Variants in ATP9B observed in about 807,000 individuals in gnomAD.
ATP9B encodes probable phospholipid-transporting ATPase IIB.
In ATP9B, 110 loss-of-function variants were observed where a neutral mutation model predicts 146.1. The ratio of observed to expected loss-of-function variants is 0.75; its 90% CI spans 0.65 to 0.88. ATP9B has a LOEUF of 0.88. ATP9B is among the 40% of genes least tolerant of loss of function. ATP9B has a pLI of 0.00. For missense variants in ATP9B, 1,499 were observed against 1,496.4 expected, an observed-to-expected ratio of 1.00 and a Z score of -0.03; for synonymous variants, 604 against 569.7, an observed-to-expected ratio of 1.06 and a Z score of -0.86.
chr18:79,293,101 A>G (rs909027055), intron 13 of ATP9B, among the ~76,000 whole-genome samples: 2 of 151,216 alleles, frequency 1.3e-5, no homozygotes, highest in Non-Finnish European at 2.9e-5. Context: ...CTATGGAGAA[A>G]GAACAGTGTT....
chr18:79,230,405 C>A (rs2095780010), intron 11 of ATP9B, among the ~76,000 whole-genome samples: 1 of 152,046 alleles, frequency 6.6e-6, no homozygotes, highest in Non-Finnish European at 1.5e-5. Context: ...AATCAGTAGC[C>A]CTGCTGTATA....
At chr18:79,130,398 C>T (rs2094357238) in intron 5 of ATP9B, among the ~76,000 whole-genome samples, 1 of 148,178 alleles carries the variant, frequency 6.7e-6, no homozygotes, top group African/African-American at 2.6e-5. Context: ...TTGTATTTAT[C>T]CAGTTTGAGG....
rs183733362 is a variant in ATP9B at position 79,343,206 on chromosome 18, A to C, written c.2382+840A>C. Among the ~76,000 whole-genome samples, 381 of 152,328 alleles carry C rather than the reference A, an allele frequency of 2.5e-3. 1 individual carries two copies. Among genetic ancestry groups the C allele is most frequent in the African/African-American group, 8.7e-3 (361 of 41,576 alleles). On this transcript the variant is annotated intron_variant, in intron 20 of 29. Coordinates refer to ENST00000426216, the MANE Select transcript of ATP9B (RefSeq NM_198531.5). Reference sequence around the variant, plus strand: ...GACTACTATTTGCAATTAAATTATTAATGCTTCTGATAAAACTTCAGATCA... The same window carrying C: ...GACTACTATTTGCAATTAAATTATTCATGCTTCTGATAAAACTTCAGATCA...
At chr18:79,115,325 C>T (rs1160359531) in intron 4 of ATP9B, 5 of 124,860 alleles carry the variant, frequency 4.0e-5, no homozygotes, top group African/African-American at 1.4e-4. Flanking sequence ...GAATCAATAT[C>T]GTGAAAATGG....
At position 79,377,544 on chromosome 18, in the gene ATP9B, C is replaced by A; in HGVS notation, c.*161C>A. The A allele has an allele frequency of 1.1e-6, 1 of 939,998 alleles. No individual in the cohort carries two copies. The highest frequency in any genetic ancestry group is 1.6e-6 in the Non-Finnish European group (1 of 640,050). The allele number at this position is 939,998 out of a possible 1,614,324, so 58.2% of individuals were successfully genotyped here. A position where few individuals can be genotyped will look rare whatever the true frequency, so the allele number is the denominator to read the frequency against. ...CCCAGGGCACAGATGCTGAGACAGC[C>A]TCTCCTTCTCAGTGCAGGGACGTCA... On this transcript the variant is annotated 3_prime_UTR_variant, in exon 30 of 30. Transcript: ENST00000426216.
At chr18:79,243,504 C>A (rs1170373204) in intron 11 of ATP9B, among the ~76,000 whole-genome samples, 1 of 152,176 alleles carries the variant, frequency 6.6e-6, no homozygotes, top group African/African-American at 2.4e-5. Flanking sequence ...TAAATCCCCA[C>A]ATATTTACAC....
At chr18:79,359,062 C>G (rs1055191003) in intron 25 of ATP9B, among the ~76,000 whole-genome samples, 1 of 152,022 alleles carries the variant, frequency 6.6e-6, no homozygotes, top group African/African-American at 2.4e-5. Context: ...GATCTCGGTG[C>G]TATTCCTGAC....
In ATP9B at chr18:79,344,275, G is replaced by C; in HGVS notation, c.2393G>C (p.Arg798Pro). The C allele has an allele frequency of 1.2e-6, 2 of 1,614,128 alleles. No individual in the cohort carries two copies. Among genetic ancestry groups the C allele is most frequent in the South Asian group, 1.1e-5 (1 of 91,074 alleles). The change falls in exon 21 of 30, where the codon CGG (arginine) becomes CCG (proline). Residue 798 changes from arginine (R) to proline (P), a missense_variant. Physicochemically the swap from Arg to Pro is moderately radical, Grantham distance 103. Transcript: ENST00000426216. ...TCTCCCTTAATGGAGGTAACCAGTC[G>C]GGGAGAGGCACATTTGGAGCTGAAT... ...DIHIFRQVTS[R>P]GEAHLELNAF...
At chr18:79,330,682 G>A (rs539331568) in intron 17 of ATP9B, among the ~76,000 whole-genome samples, 20 of 152,230 alleles carry the variant, frequency 1.3e-4, no homozygotes, top group Admixed American at 3.3e-4. Flanking sequence ...CAAAGTGCTG[G>A]CATTATATGC....
chr18:79,086,032 T>C (rs967474466), intron 1 of ATP9B: 1 of 152,214 alleles, frequency 6.6e-6, no homozygotes, highest in Non-Finnish European at 1.5e-5. Flanking sequence ...AAAGCCTTTT[T>C]TTTTTTTAAG....
chr18:79,084,106 C>G (rs1389643195), intron 1 of ATP9B, among the ~76,000 whole-genome samples: 1 of 151,760 alleles, frequency 6.6e-6, no homozygotes, highest in Non-Finnish European at 1.5e-5. Flanking sequence ...ATCCACCCGC[C>G]TCGGCCTCCC....
intron 25 of ATP9B, among the ~76,000 whole-genome samples, chr18:79,356,705 G>T (rs1180512138): frequency 6.6e-6 from 1 of 152,240 alleles, no homozygotes; most frequent in Non-Finnish European, 1.5e-5. Flanking sequence ...GATTAGAGAT[G>T]GGGAACGGAT....
rs553685960 is a variant in ATP9B, at chr18:79,377,659, T to C, written c.*276T>C. ...ACCCCTGCCAGGCAAGCCCAGGGCA[T>C]AGATGCTGAGACAGCCTCTCCCTCT... On this transcript the variant is annotated 3_prime_UTR_variant, in exon 30 of 30. Transcript: ENST00000426216. The C allele has an allele frequency of 5.8e-4, 224 of 385,222 alleles. No individual in the cohort carries two copies. The highest frequency in any genetic ancestry group is 3.9e-3 in the African/African-American group (143 of 36,764). 23.9% of individuals were successfully genotyped at this position (385,222 alleles called of 1,614,324 possible).
At chr18:79,155,575 T>C (rs2094762077) in intron 7 of ATP9B, among the ~76,000 whole-genome samples, 1 of 152,138 alleles carries the variant, frequency 6.6e-6, no homozygotes, top group Non-Finnish European at 1.5e-5. Flanking sequence ...CAGTAGTTTT[T>C]ATAGGAAGCT....
chr18:79,181,824 T>G (rs2095255625), intron 8 of ATP9B, among the ~76,000 whole-genome samples: 1 of 152,200 alleles, frequency 6.6e-6, no homozygotes, highest in South Asian at 2.1e-4. Flanking sequence ...ATTGGACTAT[T>G]TCAACGGTTT....
intron 15 of ATP9B, among the ~76,000 whole-genome samples, chr18:79,318,353 A>G (rs950426220): frequency 6.6e-6 from 1 of 152,266 alleles, no homozygotes; most frequent in Admixed American, 6.5e-5. Context: ...GATGTGGTCA[A>G]CAGCACCTCA....
chr18:79,316,350 T>C (rs2096680011), intron 15 of ATP9B, among the ~76,000 whole-genome samples: 1 of 152,136 alleles, frequency 6.6e-6, no homozygotes, highest in Non-Finnish European at 1.5e-5. Context: ...CGCCTGAATG[T>C]GAGGGCTGCA....
At chr18:79,325,080 C>T (rs1025136255) in intron 15 of ATP9B, among the ~76,000 whole-genome samples, 1 of 152,182 alleles carries the variant, frequency 6.6e-6, no homozygotes, top group African/African-American at 2.4e-5. Flanking sequence ...CCCTGAGCCC[C>T]TCTCCCAGGT....
At chr18:79,262,148 C>G (rs73973062) in intron 12 of ATP9B, among the ~76,000 whole-genome samples, 2 of 92,942 alleles carry the variant, frequency 2.2e-5, no homozygotes, top group Non-Finnish European at 4.0e-5. Flanking sequence ...CTTGCTTTTT[C>G]TCTCCATAGA....
Sources: gnomAD v4.1 joint callset for allele counts (sites outside exome capture counted in the v4.1 genomes callset) on GRCh38, gnomAD v4.1.1 for gene constraint, MANE v1.5 for transcripts, NCBI Gene and HGNC (gene_info 2026-07-23, HGNC 2026-07-21) for gene names.